The following FAM13A variants were observed in gnomAD, a reference collection of about 807,000 sequenced individuals.
FAM13A encodes the protein family with sequence similarity 13 member A, also known as protein FAM13A.
In FAM13A, 76 loss-of-function variants were observed where a neutral mutation model predicts 129.6. That is an observed-to-expected ratio of 0.59 (90% CI 0.49 to 0.71). The LOEUF (loss-of-function observed/expected upper bound fraction) is 0.71, where lower values mean the gene tolerates loss of function less well. Among genes scored for constraint, FAM13A ranks in the 30% least tolerant of loss-of-function variants. FAM13A has a pLI of 0.00. For missense variants in FAM13A, 1,108 were observed against 1,249.3 expected (o/e 0.89, Z 1.70); for synonymous variants, 443 against 449.9 (o/e 0.98, Z 0.20).
At chr4:88,752,456 T>TA (rs1560895650) in intron 14 of FAM13A, among the ~76,000 whole-genome samples, 47 of 152,312 alleles carry the variant, frequency 3.1e-4, no homozygotes, top group Middle Eastern at 6.8e-3. Context: ...CCACAGGTTC[T>TA]CGAAATTTAA....
intron 8 of FAM13A, among the ~76,000 whole-genome samples, chr4:88,796,691 C>A (rs541296284): frequency 6.7e-6 from 1 of 149,140 alleles, no homozygotes; most frequent in Non-Finnish European, 1.5e-5. Flanking sequence ...GACTCTTTTG[C>A]AAATGGTATA....
chr4:88,737,636 C>T (rs1739273162), intron 20 of FAM13A, 81 bp from the exon 21 acceptor site: 2 of 1,066,526 alleles, frequency 1.9e-6, no homozygotes, highest in Admixed American at 1.8e-5. Context: ...CTGACCTCAC[C>T]AGTATTTATT....
chr4:88,954,268 T>C (rs1170904840), intron 4 of FAM13A, among the ~76,000 whole-genome samples: 1 of 152,232 alleles, frequency 6.6e-6, no homozygotes, highest in Non-Finnish European at 1.5e-5. Flanking sequence ...TGAAAATGAA[T>C]CTGTGATCAC....
chr4:88,864,384 T>C (rs1330388650), intron 6 of FAM13A, among the ~76,000 whole-genome samples: 1 of 152,212 alleles, frequency 6.6e-6, no homozygotes. Flanking sequence ...AGATGATTGC[T>C]AGCATTTCAT....
chr4:88,728,760 A>G (rs1560819240), intron 23 of FAM13A, 101 bp from the exon 24 acceptor site: 1 of 1,392,774 alleles, frequency 7.2e-7, no homozygotes. Flanking sequence ...TTTGCAGTTT[A>G]TCAACTTGTA....
chr4:88,746,644 C>G (rs1488553141), intron 19 of FAM13A, among the ~76,000 whole-genome samples: 1 of 152,122 alleles, frequency 6.6e-6, no homozygotes, highest in South Asian at 2.1e-4. Context: ...CGACCCCTGG[C>G]CCCTCCACCA....
intron 5 of FAM13A, among the ~76,000 whole-genome samples, chr4:88,928,717 G>C (rs62310499): frequency 0.79 from 120,178 of 151,414 alleles, 47,898 homozygotes; most frequent in Non-Finnish European, 0.82. Flanking sequence ...TTTCTTGTGG[G>C]AGCATATAGT....
chr4:88,922,777 G>A (rs1751352437), intron 5 of FAM13A, among the ~76,000 whole-genome samples: 1 of 151,924 alleles, frequency 6.6e-6, no homozygotes, highest in Non-Finnish European at 1.5e-5. Context: ...TTTTTTGAAA[G>A]GATCAACAAA....
chr4:89,054,634 CT>C lies in FAM13A; in HGVS notation c.27+2303del, dbSNP rs1771999793. On this transcript the variant is annotated intron_variant, in intron 1 of 23. Transcript: ENST00000264344. ...TTTCCTTATCTGATTAAGGAAGCTT[CT>C]TTCCAAAAGAAATGCAATTGTCTTA... 5.9e-5 allele frequency among the ~76,000 whole-genome samples: 9 copies of C among 152,224 alleles called. No individual in the cohort carries two copies. The South Asian group carries it at 1.7e-3, about 28-fold the overall frequency.
chr4:88,854,278 CAGCAAGAGTTGCTT>C (rs1738116138), intron 6 of FAM13A, among the ~76,000 whole-genome samples: 3 of 152,336 alleles, frequency 2.0e-5, no homozygotes, highest in Middle Eastern at 6.8e-3. Flanking sequence ...CACCTTATCT[CAGCAAGAGTTGCTT>C]AGTGGCTCCA....
At chr4:88,856,559 G>C (rs1050877917) in intron 6 of FAM13A, among the ~76,000 whole-genome samples, 2 of 152,180 alleles carry the variant, frequency 1.3e-5, no homozygotes, top group East Asian at 3.9e-4. Flanking sequence ...AACTCTAACT[G>C]TGTTCTTTTC....
At chr4:88,961,345 GCCTTTTTTTTTTTTTT>G (rs1474809257) in intron 4 of FAM13A, among the ~76,000 whole-genome samples, 36 of 79,508 alleles carry the variant, frequency 4.5e-4, no homozygotes, top group Non-Finnish European at 8.8e-4. Flanking sequence ...TGTGGAATTT[GCCTTTTTTTTTTTTTT>G]TTTTTTTTTT....
chr4:88,784,014 C>T (rs943885275), intron 10 of FAM13A, among the ~76,000 whole-genome samples: 3 of 152,104 alleles, frequency 2.0e-5, no homozygotes, highest in Non-Finnish European at 2.9e-5. Context: ...AAGACGACAG[C>T]TAAAAACGAT....
intron 6 of FAM13A, among the ~76,000 whole-genome samples, chr4:88,884,913 A>G (rs1283536734): frequency 6.6e-6 from 1 of 152,164 alleles, no homozygotes; most frequent in Non-Finnish European, 1.5e-5. Flanking sequence ...GTAAAAAAAT[A>G]AAATCAAATA....
chr4:88,879,952 G>T (rs973132005), intron 6 of FAM13A, among the ~76,000 whole-genome samples: 1 of 152,178 alleles, frequency 6.6e-6, no homozygotes, highest in Non-Finnish European at 1.5e-5. Flanking sequence ...AGTGTTGTGA[G>T]CATTTAATGA....
At chr4:88,773,766 T>A (rs1721151805) in intron 11 of FAM13A, among the ~76,000 whole-genome samples, 1 of 152,204 alleles carries the variant, frequency 6.6e-6, no homozygotes, top group African/African-American at 2.4e-5. Context: ...CAGATTAATA[T>A]ATCTAACTGC....
At chr4:88,763,667 C>T (rs1049990404) in intron 13 of FAM13A, among the ~76,000 whole-genome samples, 1 of 152,160 alleles carries the variant, frequency 6.6e-6, no homozygotes, top group Admixed American at 6.5e-5. Flanking sequence ...TGTTTTATTC[C>T]TTCCATTGCC....
At chr4:88,762,117 GC>G (rs1159704689) in intron 13 of FAM13A, among the ~76,000 whole-genome samples, 1 of 152,180 alleles carries the variant, frequency 6.6e-6, no homozygotes, top group African/African-American at 2.4e-5. Context: ...TGTGAAAAGA[GC>G]ATTCCAGGAA....
chr4:89,049,522 A>C (rs1473166421), intron 1 of FAM13A, among the ~76,000 whole-genome samples: 1 of 152,258 alleles, frequency 6.6e-6, no homozygotes, highest in Non-Finnish European at 1.5e-5. Flanking sequence ...CCACAAAAGT[A>C]AATTAATTGC....
Sources: gnomAD v4.1 joint callset for allele counts (sites outside exome capture counted in the v4.1 genomes callset) on GRCh38, gnomAD v4.1.1 for gene constraint, MANE v1.5 for transcripts, NCBI Gene and HGNC (gene_info 2026-07-23, HGNC 2026-07-21) for gene names.